Variants in NAALADL2 observed in about 807,000 individuals in gnomAD.
NAALADL2 encodes N-acetylated alpha-linked acidic dipeptidase like 2, also known as inactive N-acetylated-alpha-linked acidic dipeptidase-like protein 2.
In NAALADL2, 76 loss-of-function variants were observed where a neutral mutation model predicts 87.2. That is an observed-to-expected ratio of 0.87 (90% CI 0.72 to 1.05). The LOEUF (loss-of-function observed/expected upper bound fraction) is 1.05, where lower values mean the gene tolerates loss of function less well. Among genes scored for constraint, NAALADL2 ranks in the 50% least tolerant of loss-of-function variants. The pLI, the probability that NAALADL2 is intolerant of heterozygous loss-of-function variation, is 0.00. For missense variants in NAALADL2, 1,089 were observed against 945.8 expected (o/e 1.15, Z -1.99); for synonymous variants, 354 against 331.0 (o/e 1.07, Z -0.75).
At chr3:174,677,301 CTTGTTTTTTTCACTCAACATT>C in intron 2 of NAALADL2, among the ~76,000 whole-genome samples, 1 of 151,972 alleles carries the variant, frequency 6.6e-6, no homozygotes, top group Non-Finnish European at 1.5e-5. Context: ...TCTCCTGGGA[CTTGTTTTTTTCACTCAACATT>C]ATGTTCCTAT....
At chr3:175,007,666 C>T (rs1263105012) in intron 1 of NAALADL2, among the ~76,000 whole-genome samples, 1 of 152,040 alleles carries the variant, frequency 6.6e-6, no homozygotes, top group Admixed American at 6.6e-5. Flanking sequence ...CATTCCAAGA[C>T]CCCAGTGGAT....
chr3:174,604,058 A>G (rs1350879077), intron 2 of NAALADL2, among the ~76,000 whole-genome samples: 1 of 152,116 alleles, frequency 6.6e-6, no homozygotes, highest in African/African-American at 2.4e-5. Flanking sequence ...AAAATGTTCT[A>G]TAAATATATA....
At chr3:174,952,977 G>A (rs1303636250) in intron 1 of NAALADL2, among the ~76,000 whole-genome samples, 1 of 151,966 alleles carries the variant, frequency 6.6e-6, no homozygotes. Context: ...CTCCTTAGGG[G>A]AAATTAGTGA....
At chr3:174,480,427 C>G (rs1717479712) in intron 1 of NAALADL2, among the ~76,000 whole-genome samples, 2 of 152,166 alleles carry the variant, frequency 1.3e-5, no homozygotes, top group Admixed American at 1.3e-4. Context: ...ACCCTACCCA[C>G]CTGCTTCAAA....
At chr3:175,234,307 AACCATTAAATCTTTTCAGT>A (rs1745464798) in intron 3 of NAALADL2, 103 bp downstream of exon 3, 1 of 1,253,900 alleles carries the variant, frequency 8.0e-7, no homozygotes, top group African/African-American at 1.5e-5. Context: ...ATACAAAAGT[AACCATTAAATCTTTTCAGT>A]GTGGAAGTGC....
intron 12 of NAALADL2, among the ~76,000 whole-genome samples, chr3:175,739,000 A>G (rs1255065220): frequency 2.0e-5 from 3 of 152,178 alleles, no homozygotes; most frequent in East Asian, 3.8e-4. Context: ...TATACTTCAG[A>G]AAATTCTATT....
At chr3:175,428,665 C>G (rs552834963) in intron 5 of NAALADL2, among the ~76,000 whole-genome samples, 1 of 152,100 alleles carries the variant, frequency 6.6e-6, no homozygotes, top group East Asian at 1.9e-4. Context: ...TTTTTTCTAT[C>G]TCACTTGTCT....
chr3:175,006,656 A>G (rs1749066158), intron 1 of NAALADL2, among the ~76,000 whole-genome samples: 1 of 151,666 alleles, frequency 6.6e-6, no homozygotes. Flanking sequence ...CAGAAAAAAA[A>G]AATTGTTTTT....
chr3:174,987,537 C>T (rs1423192087), intron 1 of NAALADL2, among the ~76,000 whole-genome samples: 1 of 120,160 alleles, frequency 8.3e-6, no homozygotes. Flanking sequence ...CCACTGCACT[C>T]CAGCCTGGGC....
intron 1 of NAALADL2, among the ~76,000 whole-genome samples, chr3:174,988,567 G>A (rs2108694836): frequency 6.6e-6 from 1 of 152,246 alleles, no homozygotes; most frequent in African/African-American, 2.4e-5. Context: ...CACTGTTCTT[G>A]AGGGTAGAAG....
At chr3:175,051,189 A>T (rs1176402875) in intron 1 of NAALADL2, among the ~76,000 whole-genome samples, 2 of 152,206 alleles carry the variant, frequency 1.3e-5, no homozygotes, top group African/African-American at 4.8e-5. Flanking sequence ...AGATTTGAAG[A>T]TTCTTTTCAT....
At chr3:175,597,017 G>C (rs542469663) in intron 10 of NAALADL2, among the ~76,000 whole-genome samples, 77 of 152,076 alleles carry the variant, frequency 5.1e-4, no homozygotes, top group African/African-American at 1.8e-3. Context: ...ATGTAGAAGG[G>C]TTTAGGGTTT....
chr3:175,099,524 C>T (rs899809357), intron 2 of NAALADL2, among the ~76,000 whole-genome samples: 2 of 152,296 alleles, frequency 1.3e-5, no homozygotes, highest in East Asian at 3.9e-4. Context: ...TATCTTCTCC[C>T]TCAATTGTCA....
chr3:175,581,144 T>TA (rs748816811), intron 10 of NAALADL2: 16 of 395,568 alleles, frequency 4.0e-5, no homozygotes, highest in South Asian at 2.6e-4. Flanking sequence ...AAAATCTCTT[T>TA]AAAAAAGGCT....
Position 175,381,758 on chromosome 3 carries a change from A to G in NAALADL2, c.1090+57433A>G, listed in dbSNP as rs1369391464. Reference sequence around the variant, plus strand: ...GATAGGTACAATTTCATGTGAGTAAATTCAAAGAATAGCTGAGTGTAAGTT... The same window carrying G: ...GATAGGTACAATTTCATGTGAGTAAGTTCAAAGAATAGCTGAGTGTAAGTT... On this transcript the variant is annotated intron_variant, in intron 5 of 13. Coordinates refer to ENST00000454872, the MANE Select transcript of NAALADL2 (RefSeq NM_207015.3). Among the ~76,000 whole-genome samples the G allele has an allele frequency of 4.6e-5, 7 of 152,168 alleles. 1 individual carries two copies.
chr3:175,530,750 G>A (rs189181789), intron 9 of NAALADL2, among the ~76,000 whole-genome samples: 6 of 152,218 alleles, frequency 3.9e-5, no homozygotes, highest in South Asian at 2.1e-4. Context: ...GGACCTGCTC[G>A]AGATCCATCA....
At chr3:175,665,364 A>T (rs754142347) in intron 11 of NAALADL2, among the ~76,000 whole-genome samples, 72 of 152,338 alleles carry the variant, frequency 4.7e-4, no homozygotes, top group Admixed American at 7.8e-4. Flanking sequence ...CGGGATTTCA[A>T]ATATAAAAAT....
At position 175,239,042 on chromosome 3, in the gene NAALADL2, C is replaced by T. The variant is rs562868894; in HGVS notation, c.819+4838C>T. ...CTTCCAATTTGTGCTTTCTGGTAAC[C>T]GTCTAAACAGCATTTCTGATATCTG... is the stretch of plus-strand genomic sequence containing the variant. On this transcript the variant is annotated intron_variant, in intron 3 of 13. Transcript: ENST00000454872. 4.3e-4 allele frequency among the ~76,000 whole-genome samples: 66 copies of T among 152,186 alleles called. 2 individuals carry two copies. The South Asian group carries it at 0.013, about 31-fold the overall frequency.
chr3:175,659,818 T>C (rs774038311), intron 11 of NAALADL2, among the ~76,000 whole-genome samples: 1 of 152,104 alleles, frequency 6.6e-6, no homozygotes, highest in South Asian at 2.1e-4. Flanking sequence ...TACATATCAT[T>C]TGGGTTCTTT....
Sources: allele counts gnomAD v4.1 joint callset (sites outside exome capture counted in the v4.1 genomes callset), GRCh38; gene constraint gnomAD v4.1.1; transcripts MANE v1.5; gene names NCBI Gene and HGNC (gene_info 2026-07-23, HGNC 2026-07-21).